ANKUB1: variants seen among roughly 807,000 people sequenced by gnomAD.
The protein encoded by ANKUB1 is protein ANKUB1.
A neutral mutation model predicts 49.3 loss-of-function variants in ANKUB1; 42 were observed. The ratio of observed to expected loss-of-function variants is 0.85; its 90% CI spans 0.67 to 1.10. ANKUB1 has a LOEUF of 1.10. Among genes scored for constraint, ANKUB1 ranks in the 50% least tolerant of loss-of-function variants. The probability of loss-of-function intolerance (pLI) is 0.00; values close to 1 mark genes in which losing one functional copy is unlikely to be tolerated. For synonymous variants in ANKUB1, 222 were observed against 231.0 expected, an observed-to-expected ratio of 0.96 and a Z score of 0.35; for missense variants, 613 against 642.0, an observed-to-expected ratio of 0.95 and a Z score of 0.49.
At chr3:149,765,775 T>C (rs936263811) in intron 5 of ANKUB1, among the ~76,000 whole-genome samples, 1 of 152,246 alleles carries the variant, frequency 6.6e-6, no homozygotes, top group Non-Finnish European at 1.5e-5. Flanking sequence ...TCCTAGTATA[T>C]TTCTAGAATT....
chr3:149,789,069 T>G lies in ANKUB1; in HGVS notation c.234+1712A>C, dbSNP rs539599825. ...GGTTACAGGTGTGAGCCACCACACC[T>G]GGCCAGGATACTTTTTACTGTGTAT... On this transcript the variant is annotated intron_variant, in intron 2 of 5. Transcript: ENST00000446160. Among the ~76,000 whole-genome samples the G allele has an allele frequency of 2.1e-4, 32 of 152,090 alleles. No individual in the cohort carries two copies. In the South Asian group the frequency reaches 6.6e-3, roughly 32 times the overall value.
At chr3:149,777,662 C>T (rs746516475) in intron 3 of ANKUB1, among the ~76,000 whole-genome samples, 7 of 152,332 alleles carry the variant, frequency 4.6e-5, no homozygotes, top group Non-Finnish European at 8.8e-5. Flanking sequence ...CTCCTGCTTT[C>T]TGTCCCTCCC....
In ANKUB1 at chr3:149,767,446, T is replaced by G. The variant is rs1364029046; in HGVS notation, c.1216A>C (p.Lys406Gln). The change falls in exon 5 of 6, where the codon AAA becomes CAA. Residue 406 changes from lysine (K) to glutamine (Q), a missense_variant. By Grantham distance (53) the Lys-to-Gln change is moderately conservative (BLOSUM62 1). Transcript: ENST00000446160. ...SQPDTRKQAL[K>Q]FHPLVNASSF... ...CTTGCATTCACCAGTGGATGAAATT[T>G]GAGGGCTTGTTTTCTTGTGTCCGGC... is the stretch of plus-strand genomic sequence containing the variant. 6.4e-7 allele frequency: 1 copy of G among 1,551,630 alleles called. No individual in the cohort carries two copies. Among genetic ancestry groups the G allele is most frequent in the Admixed American group, 2.0e-5 (1 of 50,984 alleles).
At chr3:149,771,285 T>A (rs1717348337) in intron 3 of ANKUB1, among the ~76,000 whole-genome samples, 1 of 152,204 alleles carries the variant, frequency 6.6e-6, no homozygotes, top group Non-Finnish European at 1.5e-5. Context: ...CTTCCGTTCT[T>A]CTCAATTTAC....
intron 2 of ANKUB1, among the ~76,000 whole-genome samples, chr3:149,785,041 T>C (rs1203946424): frequency 6.6e-6 from 1 of 152,192 alleles, no homozygotes; most frequent in East Asian, 1.9e-4. Flanking sequence ...GCAAAAGTGA[T>C]AGTGCCTCTG....
At chr3:149,772,158 G>A (rs1294437821) in intron 3 of ANKUB1, among the ~76,000 whole-genome samples, 2 of 151,444 alleles carry the variant, frequency 1.3e-5, no homozygotes, top group Non-Finnish European at 2.9e-5. Context: ...TCAAGTAGCT[G>A]GATTACAGGC....
rs751990827 is a variant in ANKUB1, at chr3:149,767,167, C to G, written c.1495G>C (p.Ala499Pro). 1 of 1,522,204 alleles carries G rather than the reference C, an allele frequency of 6.6e-7. No individual in the cohort carries two copies. The highest frequency in any genetic ancestry group is 1.4e-5 in the African/African-American group (1 of 71,562). The allele number at this position is 1,522,204 out of a possible 1,614,324, so 94.3% of individuals were successfully genotyped here. A position where few individuals can be genotyped will look rare whatever the true frequency, so the allele number is the denominator to read the frequency against. Residue 499 changes from alanine to proline, a missense_variant, in exon 5 of 6, where the codon GCT becomes CCT. Ala to Pro is a conservative substitution (Grantham distance 27). Coordinates refer to ENST00000446160, the MANE Select transcript of ANKUB1 (RefSeq NM_001144960.3). ...AGGGGAGAACATTACCTTGCCACAGCTAAGCAGTAGATTGCGTTCTCCCAT... is the reference window on the plus strand; with the variant it reads ...AGGGGAGAACATTACCTTGCCACAGGTAAGCAGTAGATTGCGTTCTCCCAT... ...TPWENAIYCL[A>P]VASAFKEKRW...
chr3:149,787,926 A>G (rs1559871788), intron 2 of ANKUB1, among the ~76,000 whole-genome samples: 1 of 152,208 alleles, frequency 6.6e-6, no homozygotes, highest in Non-Finnish European at 1.5e-5. Context: ...AAAACCACTT[A>G]CTTGCCAAGT....
At chr3:149,764,590 CCCTT>C (rs1192239592) in intron 5 of ANKUB1, among the ~76,000 whole-genome samples, 200 of 135,174 alleles carry the variant, frequency 1.5e-3, no homozygotes, top group East Asian at 0.012. Context: ...CTCCCTCCCT[CCCTT>C]CCTTCCTCCC....
chr3:149,775,702 A>T (rs1717561435), intron 3 of ANKUB1, among the ~76,000 whole-genome samples: 1 of 152,130 alleles, frequency 6.6e-6, no homozygotes, highest in Non-Finnish European at 1.5e-5. Context: ...TCATTCACTC[A>T]TTTGTTTAGG....
rs370353150 is a variant in ANKUB1, at chr3:149,781,001, C to CTTT, written c.235-549_235-547dup. Among the ~76,000 whole-genome samples the CTTT allele has an allele frequency of 1.3e-4, 17 of 132,810 alleles. 1 individual carries two copies. In the East Asian group the frequency reaches 1.8e-3, roughly 14 times the overall value. 87.1% of individuals were successfully genotyped at this position (132,810 alleles called of 152,430 possible). A position where few individuals can be genotyped will look rare whatever the true frequency, so the allele number is the denominator to read the frequency against. The stretch of plus-strand genomic sequence containing the variant: ...TTATTTATCTTTCTTGTCTGTCTTC[C>CTTT]TTTTTTTTTTTTTTTTGTCTCACTA... On this transcript the variant is annotated intron_variant, in intron 2 of 5. Transcript: ENST00000446160.
At chr3:149,771,025 C>G (rs182069723) in intron 3 of ANKUB1, among the ~76,000 whole-genome samples, 68 of 152,312 alleles carry the variant, frequency 4.5e-4, no homozygotes, top group Non-Finnish European at 8.2e-4. Context: ...AACTAAGGAA[C>G]CTGTGGCAGG....
chr3:149,782,557 A>T (rs768465283), intron 2 of ANKUB1, among the ~76,000 whole-genome samples: 1 of 151,274 alleles, frequency 6.6e-6, no homozygotes, highest in Non-Finnish European at 1.5e-5. Context: ...ATATCTGGCA[A>T]TTTTTTTGAG....
chr3:149,788,496 C>A lies in ANKUB1; in HGVS notation c.234+2285G>T, dbSNP rs371113834. On this transcript the variant is annotated intron_variant, in intron 2 of 5. Coordinates refer to ENST00000446160, the MANE Select transcript of ANKUB1 (RefSeq NM_001144960.3). ...GGGATTATAGATGTGCACCACCACA[C>A]CCGGAAAATTTTTAAAATATTTTTG... Among the ~76,000 whole-genome samples the A allele has an allele frequency of 7.2e-5, 11 of 151,948 alleles. No homozygotes were observed. In the East Asian group the frequency reaches 1.7e-3, roughly 24 times the overall value.
intron 5 of ANKUB1, among the ~76,000 whole-genome samples, chr3:149,765,548 G>GCA (rs59155543): frequency 0.078 from 11,564 of 147,450 alleles, 904 homozygotes; most frequent in African/African-American, 0.21. Flanking sequence ...ACACACACAT[G>GCA]CACACACACA....
At chr3:149,772,316 C>T (rs1285526987) in intron 3 of ANKUB1, among the ~76,000 whole-genome samples, 3 of 152,252 alleles carry the variant, frequency 2.0e-5, no homozygotes, top group South Asian at 2.1e-4. Flanking sequence ...CCATTGCGCC[C>T]GGCATCCTTC....
At chr3:149,789,114 T>C (rs1718243168) in intron 2 of ANKUB1, among the ~76,000 whole-genome samples, 1 of 151,820 alleles carries the variant, frequency 6.6e-6, no homozygotes, top group African/African-American at 2.4e-5. Flanking sequence ...CCTTTTGAAT[T>C]GAGAACCATG....
rs190462563 is a variant in ANKUB1 at position 149,788,429 on chromosome 3, C to T, written c.234+2352G>A. Among the ~76,000 whole-genome samples, 64 of 151,876 alleles carry T rather than the reference C, an allele frequency of 4.2e-4. No individual in the cohort carries two copies. In the East Asian group the frequency reaches 0.012, roughly 29 times the overall value. On this transcript the variant is annotated intron_variant, in intron 2 of 5. Coordinates refer to ENST00000446160, the MANE Select transcript of ANKUB1 (RefSeq NM_001144960.3). The stretch of plus-strand genomic sequence containing the variant: ...ACAGGGTCTCACTCTCTTGCACAGG[C>T]TGGGTTCAATTGATCCTCCCGCCTC...
chr3:149,780,288 G>C lies in ANKUB1; in HGVS notation c.402C>G (p.Gly134=). 1 of 1,551,680 alleles carries C rather than the reference G, an allele frequency of 6.4e-7. No individual in the cohort carries two copies. The change falls in exon 3 of 6, where the codon GGC becomes GGG. Residue 134 remains glycine, a synonymous_variant. Transcript: ENST00000446160. ...GGGTGTTGCAATCATACATCTCCAG[G>C]CCCCTTGGGGTTCGGAGACAGTAGA... ...VSVYCLRTPR[G]LEMYDCNTLK... is the part of the protein sequence containing the mutation.
Sources: gnomAD v4.1 joint callset for allele counts (sites outside exome capture counted in the v4.1 genomes callset) on GRCh38, gnomAD v4.1.1 for gene constraint, MANE v1.5 for transcripts, NCBI Gene and HGNC (gene_info 2026-07-23, HGNC 2026-07-21) for gene names.